The following PCDH15 variants were observed in gnomAD, a reference collection of about 807,000 sequenced individuals.
The protein encoded by PCDH15 is protocadherin-15.
In PCDH15, 129 loss-of-function variants were observed where a neutral mutation model predicts 178.5. The ratio of observed to expected loss-of-function variants is 0.72; its 90% CI spans 0.63 to 0.84. The LOEUF is 0.84. Among genes scored for constraint, PCDH15 ranks in the 40% least tolerant of loss-of-function variants. PCDH15 has a pLI of 0.00. For missense variants in PCDH15, 2,230 were observed against 2,099.9 expected (o/e 1.06, Z -1.21); for synonymous variants, 800 against 732.0 (o/e 1.09, Z -1.50).
chr10:54,355,656 G>A (rs1034739155), intron 5 of PCDH15, among the ~76,000 whole-genome samples: 1 of 151,848 alleles, frequency 6.6e-6, no homozygotes, highest in Non-Finnish European at 1.5e-5. Context: ...TGGGCCCTAA[G>A]AAAAATATTT....
chr10:55,150,930 T>A (rs1230023468), intron 2 of PCDH15, among the ~76,000 whole-genome samples: 2 of 152,116 alleles, frequency 1.3e-5, no homozygotes, highest in African/African-American at 2.4e-5. Context: ...GAATAGTAAC[T>A]GAGACACTGT....
intron 1 of PCDH15, among the ~76,000 whole-genome samples, chr10:55,170,755 G>A (rs908865024): frequency 3.9e-5 from 6 of 152,034 alleles, no homozygotes; most frequent in Non-Finnish European, 7.4e-5. Context: ...GGTGGCATGC[G>A]CCTGTAATCT....
chr10:54,142,103 G>A (rs1404907585), intron 14 of PCDH15, among the ~76,000 whole-genome samples: 2 of 152,104 alleles, frequency 1.3e-5, no homozygotes, highest in Non-Finnish European at 2.9e-5. Flanking sequence ...TCACAGTTCT[G>A]TCACTAAAAT....
chr10:55,316,472 A>G (rs1349848350), intron 1 of PCDH15, among the ~76,000 whole-genome samples: 2 of 152,174 alleles, frequency 1.3e-5, no homozygotes, highest in Non-Finnish European at 2.9e-5. Flanking sequence ...TTGAATTTTA[A>G]TATCAGTTGC....
At chr10:55,286,636 C>T (rs1313457302) in intron 1 of PCDH15, among the ~76,000 whole-genome samples, 1 of 151,848 alleles carries the variant, frequency 6.6e-6, no homozygotes, top group Non-Finnish European at 1.5e-5. Context: ...GCAATTTACA[C>T]AGATGTATTT....
Position 54,153,259 on chromosome 10 carries a change from C to T in PCDH15, c.1625G>A (p.Gly542Glu). ...AACAAGGATTTCATATGTGATCTCC[C>T]CATTTGACCCTTCGTCTGCGTCGAC... ...TAVDADEGSN[G>E]EITYEILVGA... The change falls in exon 14 of 38, where the codon GGG becomes GAG. Residue 542 changes from glycine to glutamate, a missense_variant. Transcript: ENST00000644397. 6.2e-7 allele frequency: 1 copy of T among 1,613,776 alleles called. No homozygotes were observed. Among genetic ancestry groups the T allele is most frequent in the South Asian group, 1.1e-5 (1 of 91,084 alleles).
intron 1 of PCDH15, among the ~76,000 whole-genome samples, chr10:54,766,939 A>AAAC (rs768569540): frequency 2.9e-4 from 43 of 149,000 alleles, no homozygotes; most frequent in South Asian, 1.1e-3. Context: ...CAAAAAAACA[A>AAAC]AAAAAAAAAT....
intron 1 of PCDH15, among the ~76,000 whole-genome samples, chr10:54,715,353 T>C (rs2095467803): frequency 6.6e-6 from 1 of 150,758 alleles, no homozygotes; most frequent in African/African-American, 2.4e-5. Context: ...TTGGTCTTGT[T>C]AAATCGCCCA....
chr10:54,622,610 T>TATATATTATATAATTA (rs1555105318), intron 2 of PCDH15, among the ~76,000 whole-genome samples: 41 of 93,596 alleles, frequency 4.4e-4, no homozygotes, highest in African/African-American at 1.9e-3. Flanking sequence ...ATATATATAA[T>TATATATTATATAATTA]TATATATAAT....
intron 2 of PCDH15, among the ~76,000 whole-genome samples, chr10:54,622,668 T>TTA (rs1255092636): frequency 1.1e-5 from 1 of 89,652 alleles, no homozygotes; most frequent in African/African-American, 4.9e-5. Flanking sequence ...ATAATATATA[T>TTA]TATATATAAT....
chr10:54,053,635 G>T (rs1478783867), intron 18 of PCDH15, among the ~76,000 whole-genome samples: 2 of 152,076 alleles, frequency 1.3e-5, no homozygotes, highest in Non-Finnish European at 2.9e-5. Flanking sequence ...AATCAAGGTG[G>T]GGGTATAAAC....
intron 18 of PCDH15, among the ~76,000 whole-genome samples, chr10:54,051,572 C>T (rs2093775642): frequency 6.6e-6 from 1 of 151,956 alleles, no homozygotes; most frequent in Non-Finnish European, 1.5e-5. Flanking sequence ...TTTAAGGTAT[C>T]TTGTGGAAAT....
At chr10:54,580,607 A>G (rs555458606) in intron 2 of PCDH15, among the ~76,000 whole-genome samples, 3 of 152,092 alleles carry the variant, frequency 2.0e-5, no homozygotes, top group African/African-American at 7.2e-5. Context: ...TGAAGCCAGC[A>G]TCACCCTGAT....
At chr10:55,335,485 T>C (rs1010639377) in intron 2 of PCDH15, among the ~76,000 whole-genome samples, 2 of 152,222 alleles carry the variant, frequency 1.3e-5, no homozygotes, top group Admixed American at 6.5e-5. Flanking sequence ...TTTGAAAGAC[T>C]TTCCCTTCCC....
At chr10:54,920,988 C>T (rs1448788920) in intron 2 of PCDH15, among the ~76,000 whole-genome samples, 2 of 152,126 alleles carry the variant, frequency 1.3e-5, no homozygotes, top group African/African-American at 4.8e-5. Context: ...CAATGAAGCC[C>T]CATTCTTCTC....
At chr10:54,247,264 C>A (rs2056039378) in intron 8 of PCDH15, among the ~76,000 whole-genome samples, 1 of 151,848 alleles carries the variant, frequency 6.6e-6, no homozygotes, top group Non-Finnish European at 1.5e-5. Flanking sequence ...AAATATTGCA[C>A]TCATCCACAT....
At position 55,084,280 on chromosome 10, in the gene PCDH15, T is replaced by C. The variant is rs572359731; in HGVS notation, c.-80+82296A>G. ...AATAGAAGACACAGAAAGAAATCCA[T>C]AAATCTCATTTTTGAATAAGGCGCC... On this transcript the variant is annotated intron_variant, in intron 2 of 5. Coordinates refer to the PCDH15 transcript ENST00000458638. Among the ~76,000 whole-genome samples, 315 of 151,584 alleles carry C rather than the reference T, an allele frequency of 2.1e-3. 3 individuals are homozygous for C. The highest frequency in any genetic ancestry group is 2.9e-3 in the Non-Finnish European group (197 of 67,640).
chr10:54,681,867 A>G (rs1210716991), intron 1 of PCDH15, among the ~76,000 whole-genome samples: 2 of 152,204 alleles, frequency 1.3e-5, no homozygotes, highest in Non-Finnish European at 2.9e-5. Context: ...GAATGGACAC[A>G]CCTGCACAGT....
At chr10:54,742,390 G>A (rs1018800131) in intron 1 of PCDH15, among the ~76,000 whole-genome samples, 7 of 151,976 alleles carry the variant, frequency 4.6e-5, no homozygotes, top group African/African-American at 7.2e-5. Context: ...GTTAACATAC[G>A]TGCCAGCCTA....
Sources: allele counts gnomAD v4.1 joint callset (sites outside exome capture counted in the v4.1 genomes callset), GRCh38; gene constraint gnomAD v4.1.1; transcripts MANE v1.5; gene names NCBI Gene and HGNC (gene_info 2026-07-23, HGNC 2026-07-21).